DDX60: variants seen among roughly 807,000 people sequenced by gnomAD.
The protein encoded by DDX60 is probable ATP-dependent RNA helicase DDX60.
Under a neutral mutation model 212.8 loss-of-function variants are expected in DDX60, and 165 were observed. The ratio of observed to expected loss-of-function variants is 0.78; its 90% CI spans 0.68 to 0.88. The LOEUF is 0.88. Ranked by LOEUF, DDX60 falls within the 40% of genes least tolerant of loss-of-function variation. The pLI is 0.00. For missense variants in DDX60, 1,905 were observed against 2,003.9 expected (o/e 0.95, Z 0.94); for synonymous variants, 703 against 685.3 (o/e 1.03, Z -0.40).
chr4:168,270,712 G>A (rs1231516758), intron 19 of DDX60, among the ~76,000 whole-genome samples: 1 of 152,070 alleles, frequency 6.6e-6, no homozygotes, highest in Non-Finnish European at 1.5e-5. Context: ...CCAAAGCACA[G>A]CCTATTTGGT....
At chr4:168,311,834 G>C (rs1302658482) in intron 1 of DDX60, among the ~76,000 whole-genome samples, 1 of 152,150 alleles carries the variant, frequency 6.6e-6, no homozygotes, top group Non-Finnish European at 1.5e-5. Context: ...TCATGTTATA[G>C]AATTTTCTTT....
Position 168,216,957 on chromosome 4 carries a change from A to G in DDX60, c.5115T>C (p.Phe1705=). 6.2e-7 allele frequency: 1 copy of G among 1,601,632 alleles called. No individual in the cohort carries two copies. Among genetic ancestry groups the G allele is most frequent in the Middle Eastern group, 1.7e-4 (1 of 5,964 alleles). The change falls in exon 38 of 38, where the codon TTT becomes TTC. Residue 1705 remains phenylalanine, a synonymous_variant. Coordinates refer to ENST00000393743, the MANE Select transcript of DDX60 (RefSeq NM_017631.6). ...VLAFEQLSTT[F]WEKLNKV is the part of the protein sequence containing the mutation. Reference sequence around the variant, plus strand: ...TTTAGACTTTGTTTAACTTTTCCCAAAAAGTTGTACTCAGTTGTTCAAAGG... The same window carrying G: ...TTTAGACTTTGTTTAACTTTTCCCAGAAAGTTGTACTCAGTTGTTCAAAGG...
chr4:168,272,143 A>G lies in DDX60; in HGVS notation c.2575-5T>C. On this transcript the variant is annotated splice_region_variant and splice_polypyrimidine_tract_variant and intron_variant, in intron 18 of 37. Transcript: ENST00000393743. ...GGCAGGCACTGTAATAAGTACCTAC[A>G]AAGAATAATATTGTGTGAAGTAACA... The G allele has an allele frequency of 6.4e-7, 1 of 1,563,712 alleles. No individual in the cohort carries two copies.
At chr4:168,217,233 C>T (rs1000785383) in intron 37 of DDX60, among the ~76,000 whole-genome samples, 12 of 152,040 alleles carry the variant, frequency 7.9e-5, no homozygotes, top group African/African-American at 2.9e-4. Flanking sequence ...CAAAACAACC[C>T]CATGCAATTC....
rs576709960 is a variant in DDX60 at position 168,251,633 on chromosome 4, G to A, written c.3706-527C>T. Reference sequence around the variant, plus strand: ...TATGAAGGAAGAGCGACAAAAAAACGCTTCCAAAAGCAAAAGGCTGGTTAG... The same window carrying A: ...TATGAAGGAAGAGCGACAAAAAAACACTTCCAAAAGCAAAAGGCTGGTTAG... On this transcript the variant is annotated intron_variant, in intron 27 of 37. Transcript: ENST00000393743. Among the ~76,000 whole-genome samples, 13 of 152,140 alleles carry A rather than the reference G, an allele frequency of 8.5e-5. No individual in the cohort carries two copies. In the East Asian group the frequency reaches 2.1e-3, roughly 25 times the overall value.
chr4:168,324,413 G>A, the DDX60 span, among the ~76,000 whole-genome samples: 2 of 152,184 alleles, frequency 1.3e-5, no homozygotes, highest in African/African-American at 2.4e-5. Context: ...GGTTGTTAAA[G>A]CCTCTACAGT....
Position 168,283,460 on chromosome 4 carries a change from T to G in DDX60, c.1708A>C (p.Ser570Arg). 6.2e-7 allele frequency: 1 copy of G among 1,613,406 alleles called. No individual in the cohort carries two copies. Residue 570 changes from serine to arginine, a missense_variant, in exon 13 of 38, where the codon AGC becomes CGC. By Grantham distance (110) the Ser-to-Arg change is moderately radical (BLOSUM62 -1). Coordinates refer to ENST00000393743, the MANE Select transcript of DDX60 (RefSeq NM_017631.6). ...KSKKDFSGPKSKKAHETKAEI... is the reference protein window; with the variant it reads ...KSKKDFSGPKRKKAHETKAEI... ...ATAGAACCTACGTGTGCCTTTTTGC[T>G]CTTGGGCCCACTAAAATCCTTCTTT...
intron 6 of DDX60, among the ~76,000 whole-genome samples, chr4:168,294,502 A>ATTTATTTT (rs1361432891): frequency 3.3e-5 from 5 of 151,706 alleles, no homozygotes; most frequent in Non-Finnish European, 5.9e-5. Flanking sequence ...TTATTTATTT[A>ATTTATTTT]TTTATTTATT....
chr4:168,313,042 G>A (rs1031615480), intron 1 of DDX60, among the ~76,000 whole-genome samples: 11 of 152,128 alleles, frequency 7.2e-5, no homozygotes, highest in Admixed American at 5.2e-4. Context: ...TATGCATGAA[G>A]CATGATTCTC....
intron 30 of DDX60, among the ~76,000 whole-genome samples, chr4:168,244,969 C>T (rs1733973134): frequency 6.6e-6 from 1 of 151,934 alleles, no homozygotes; most frequent in Non-Finnish European, 1.5e-5. Flanking sequence ...TTAACAGAAG[C>T]AAATAACAAA....
chr4:168,291,900 T>C lies in DDX60; in HGVS notation c.889A>G (p.Ser297Gly), dbSNP rs761691121. ...GQETEIQQVN[S>G]NCLTLQEMED... is the part of the protein sequence containing the mutation. ...ATCTCCTGCAGGGTTAAGCAATTAC[T>C]GTTCACCTGAATAAAATAAAGAAGG... The change falls in exon 8 of 38, where the codon AGT (serine) becomes GGT (glycine). Residue 297 changes from serine (S) to glycine (G), a missense_variant. By Grantham distance (56) the Ser-to-Gly change is moderately conservative. Transcript: ENST00000393743. 9 of 1,605,032 alleles carry C rather than the reference T, an allele frequency of 5.6e-6. No homozygotes were observed. The South Asian group carries it at 7.8e-5, about 14-fold the overall frequency.
intron 29 of DDX60, among the ~76,000 whole-genome samples, chr4:168,247,184 T>C (rs1295500611): frequency 1.3e-5 from 2 of 152,208 alleles, no homozygotes; most frequent in East Asian, 1.9e-4. Flanking sequence ...GCTTAGACTA[T>C]GGTAAGGCAC....
chr4:168,291,978 A>G (rs1342673166), intron 7 of DDX60, 72 bp from the exon 8 acceptor site: 10 of 1,011,770 alleles, frequency 9.9e-6, no homozygotes, highest in Non-Finnish European at 1.4e-5. Flanking sequence ...ATCTAGGACC[A>G]CAAAAGCTGA....
At chr4:168,297,825 G>A (rs980396415) in intron 6 of DDX60, among the ~76,000 whole-genome samples, 1 of 152,020 alleles carries the variant, frequency 6.6e-6, no homozygotes, top group Non-Finnish European at 1.5e-5. Flanking sequence ...GAATCAGGGA[G>A]GCAAGGAGGT....
intron 26 of DDX60, 103 bp from the exon 27 acceptor site, chr4:168,252,759 T>C (rs1180023848): frequency 7.7e-6 from 6 of 782,282 alleles, no homozygotes; most frequent in Non-Finnish European, 1.2e-5. Flanking sequence ...CCCAAGTCAG[T>C]CTTCTCACCC....
chr4:168,276,955 G>C (rs1363365127), intron 14 of DDX60, among the ~76,000 whole-genome samples: 1 of 152,184 alleles, frequency 6.6e-6, no homozygotes, highest in Non-Finnish European at 1.5e-5. Context: ...GAGGTTGCTG[G>C]AGAGAAACAA....
chr4:168,248,973 T>C (rs906805606), intron 28 of DDX60, among the ~76,000 whole-genome samples: 1 of 152,200 alleles, frequency 6.6e-6, no homozygotes, highest in African/African-American at 2.4e-5. Context: ...TTGGCTAGGC[T>C]GGTCTTGAAC....
chr4:168,241,329 C>T (rs1215662613), intron 30 of DDX60, among the ~76,000 whole-genome samples: 1 of 152,110 alleles, frequency 6.6e-6, no homozygotes, highest in Non-Finnish European at 1.5e-5. Context: ...GTGGAAGTGA[C>T]TTTGGAATTG....
chr4:168,270,853 TC>T lies in DDX60; in HGVS notation c.2670+1189del, dbSNP rs1299359825. Among the ~76,000 whole-genome samples, 7 of 146,758 alleles carry T rather than the reference TC, an allele frequency of 4.8e-5. 1 individual carries two copies. The highest frequency in any genetic ancestry group is 4.1e-4 in the Admixed American group (6 of 14,584). On this transcript the variant is annotated intron_variant, in intron 19 of 37. Transcript: ENST00000393743. ...GTTTTAAATCTCTTTTAATAAATAT[TC>T]CCCCTTTTTTTTCTTTCTTTCTTTT...
Sources: gnomAD v4.1 joint callset for allele counts (sites outside exome capture counted in the v4.1 genomes callset) on GRCh38, gnomAD v4.1.1 for gene constraint, MANE v1.5 for transcripts, NCBI Gene and HGNC (gene_info 2026-07-23, HGNC 2026-07-21) for gene names.